Variants in PRR16 observed in about 807,000 individuals in gnomAD.
The protein encoded by PRR16 is protein Largen.
A neutral mutation model predicts 18.2 loss-of-function variants in PRR16; 6 were observed. That is an observed-to-expected ratio of 0.33 (90% CI 0.18 to 0.65). PRR16 has a LOEUF of 0.65. Ranked by LOEUF, PRR16 falls within the 30% of genes least tolerant of loss-of-function variation. PRR16 has a pLI of 0.74. For synonymous variants in PRR16, 151 were observed against 147.8 expected (o/e 1.02, Z -0.16); for missense variants, 412 against 376.6 (o/e 1.09, Z -0.78).
chr5:120,679,524 C>G (rs2122191), intron 1 of PRR16, among the ~76,000 whole-genome samples: 1,788 of 152,258 alleles, frequency 0.012, 30 homozygotes, highest in African/African-American at 0.04. Flanking sequence ...TTACTTCTCA[C>G]TTGGCTGTAA....
At chr5:120,702,090 TAGAGAAAAGAGAGAGC>T in the PRR16 span, among the ~76,000 whole-genome samples, 3 of 151,144 alleles carry the variant, frequency 2.0e-5, no homozygotes, top group African/African-American at 7.3e-5. Flanking sequence ...GAAGCAAGCC[TAGAGAAAAGAGAGAGC>T]AGAGAAATGG....
chr5:120,610,764 C>T (rs1754309359), intron 1 of PRR16, among the ~76,000 whole-genome samples: 1 of 152,074 alleles, frequency 6.6e-6, no homozygotes, highest in Non-Finnish European at 1.5e-5. Context: ...ATGTCTTTAT[C>T]AGTAGCATAA....
At chr5:120,757,958 TAAG>T in the PRR16 span, among the ~76,000 whole-genome samples, 1 of 152,126 alleles carries the variant, frequency 6.6e-6, no homozygotes, top group South Asian at 2.1e-4. Context: ...ATGAGATAAA[TAAG>T]GAGTGAGTAA....
At chr5:120,647,148 A>G in intron 1 of PRR16, among the ~76,000 whole-genome samples, 1 of 152,024 alleles carries the variant, frequency 6.6e-6, no homozygotes, top group East Asian at 1.9e-4. Context: ...ATGATTAAGG[A>G]AAGAGTTAGA....
intron 1 of PRR16, among the ~76,000 whole-genome samples, chr5:120,467,152 C>A (rs991525715): frequency 6.6e-6 from 1 of 152,034 alleles, no homozygotes; most frequent in African/African-American, 2.4e-5. Context: ...CATTACAAAG[C>A]TTGTTGGTTG....
intron 1 of PRR16, among the ~76,000 whole-genome samples, chr5:120,489,645 CAT>C (rs1749951196): frequency 6.6e-6 from 1 of 152,138 alleles, no homozygotes; most frequent in South Asian, 2.1e-4. Flanking sequence ...GCATTTAGCC[CAT>C]TTACATTTAA....
At chr5:120,777,432 G>T in the PRR16 span, among the ~76,000 whole-genome samples, 1 of 151,778 alleles carries the variant, frequency 6.6e-6, no homozygotes, top group East Asian at 1.9e-4. Flanking sequence ...CTCAAATTTG[G>T]TATTTTTTAG....
downstream of PRR16, among the ~76,000 whole-genome samples, chr5:120,691,494 G>T (rs775218521): frequency 6.6e-6 from 1 of 151,784 alleles, no homozygotes; most frequent in African/African-American, 2.4e-5. Flanking sequence ...TATTATTTTG[G>T]ATCTTTTCCC....
intron 1 of PRR16, among the ~76,000 whole-genome samples, chr5:120,674,323 G>A (rs550502382): frequency 1.6e-4 from 25 of 152,004 alleles, no homozygotes; most frequent in Admixed American, 8.5e-4. Flanking sequence ...CTTCTTTCTC[G>A]GATTCCATTT....
At chr5:120,762,389 C>T in the PRR16 span, among the ~76,000 whole-genome samples, 2 of 152,128 alleles carry the variant, frequency 1.3e-5, no homozygotes, top group African/African-American at 4.8e-5. Flanking sequence ...TTTTTGACAA[C>T]ACCTTTTCTA....
the PRR16 span, among the ~76,000 whole-genome samples, chr5:120,737,738 TTTTG>T: frequency 1.3e-5 from 2 of 151,966 alleles, no homozygotes; most frequent in Admixed American, 1.3e-4. Flanking sequence ...TACGGGATTA[TTTTG>T]TTTGTTTTGT....
chr5:120,580,038 A>G (rs576415726), intron 1 of PRR16, among the ~76,000 whole-genome samples: 3 of 152,110 alleles, frequency 2.0e-5, no homozygotes, highest in African/African-American at 7.2e-5. Flanking sequence ...GTACTTGCCT[A>G]TTGTTGTTGT....
intron 1 of PRR16, among the ~76,000 whole-genome samples, chr5:120,526,460 T>C (rs1198625396): frequency 6.6e-6 from 1 of 152,168 alleles, no homozygotes; most frequent in African/African-American, 2.4e-5. Flanking sequence ...TATTTTCCCC[T>C]CAGGCAACAA....
chr5:120,720,114 G>A, the PRR16 span, among the ~76,000 whole-genome samples: 1 of 151,974 alleles, frequency 6.6e-6, no homozygotes. Context: ...GGTGGCAAGA[G>A]TGAAGTAATT....
intron 1 of PRR16, among the ~76,000 whole-genome samples, chr5:120,646,048 T>TTTTATATATATA (rs748781292): frequency 1.6e-4 from 17 of 104,990 alleles, no homozygotes; most frequent in East Asian, 3.9e-4. Context: ...AATACATATT[T>TTTTATATATATA]TATATATATA....
intron 1 of PRR16, among the ~76,000 whole-genome samples, chr5:120,672,538 ATATGTG>A (rs907719826): frequency 4.0e-5 from 2 of 49,478 alleles, no homozygotes; most frequent in African/African-American, 1.0e-4. Flanking sequence ...TTATAGATAT[ATATGTG>A]TGTGTGTGTG....
chr5:120,531,203 A>G (rs1201861617), intron 1 of PRR16, among the ~76,000 whole-genome samples: 1 of 152,154 alleles, frequency 6.6e-6, no homozygotes, highest in Non-Finnish European at 1.5e-5. Flanking sequence ...TGTAGAATAT[A>G]ACATTTTTTC....
chr5:120,651,686 A>G (rs1180598818), intron 1 of PRR16, among the ~76,000 whole-genome samples: 2 of 152,048 alleles, frequency 1.3e-5, no homozygotes, highest in Non-Finnish European at 2.9e-5. Flanking sequence ...CCATTGGTCT[A>G]TATCTCTGTT....
intron 1 of PRR16, among the ~76,000 whole-genome samples, chr5:120,542,764 T>C (rs974458420): frequency 1.3e-5 from 2 of 152,168 alleles, no homozygotes; most frequent in Non-Finnish European, 1.5e-5. Flanking sequence ...ATTGTGTAGC[T>C]GGTACTGAAA....
Sources: allele counts gnomAD v4.1 joint callset (sites outside exome capture counted in the v4.1 genomes callset), GRCh38; gene constraint gnomAD v4.1.1; transcripts MANE v1.5; gene names NCBI Gene and HGNC (gene_info 2026-07-23, HGNC 2026-07-21).